The following NEXMIF variants were observed in gnomAD, a reference collection of about 807,000 sequenced individuals.
NEXMIF encodes XLMR protein related to neurite extension.
NEXMIF carries 8 observed loss-of-function variants against 62.1 expected under a neutral mutation model. That is an observed-to-expected ratio of 0.13 (90% CI 0.08 to 0.23). NEXMIF has a LOEUF of 0.23. Among genes scored for constraint, NEXMIF ranks in the 10% least tolerant of loss-of-function variants. The probability of loss-of-function intolerance (pLI) is 1.00; values close to 1 mark genes in which losing one functional copy is unlikely to be tolerated. For missense variants in NEXMIF, 976 were observed against 1,113.3 expected (o/e 0.88, Z 1.75); for synonymous variants, 404 against 416.6 (o/e 0.97, Z 0.37).
Position 74,743,534 on chromosome X carries a change from G to A in NEXMIF, c.1023C>T (p.Val341=), listed in dbSNP as rs2080115156. 8.3e-7 allele frequency: 1 copy of A among 1,209,441 alleles called. No individual in the cohort carries two copies. The highest frequency in any genetic ancestry group is 1.1e-6 in the Non-Finnish European group (1 of 895,149). ...ACTCTCGCTTGGGGCAGGTAGTAAA[G>A]ACGCTGGGAAAAAAGTTGAATTGGG... ...EDAQFNFFPS[V]FTTCPKRESK... is the part of the protein sequence containing the mutation. The change falls in exon 3 of 4, where the codon GTC becomes GTT. Residue 341 remains valine, a synonymous_variant. Coordinates refer to ENST00000055682, the MANE Select transcript of NEXMIF (RefSeq NM_001008537.3).
At chrX:74,912,964 G>C in intron 1 of NEXMIF, among the ~76,000 whole-genome samples, 1 of 111,940 alleles carries the variant, frequency 8.9e-6, no homozygotes, top group East Asian at 2.8e-4. Context: ...CCTGGAGCTA[G>C]AGCAGTGCCA....
chrX:74,882,051 CCTCT>C (rs2080666807), intron 1 of NEXMIF, among the ~76,000 whole-genome samples: 1 of 111,863 alleles, frequency 8.9e-6, no homozygotes, highest in Admixed American at 9.5e-5. Context: ...TTGCACACTT[CCTCT>C]CTCAGCAAAT....
intron 1 of NEXMIF, among the ~76,000 whole-genome samples, chrX:74,816,580 A>C (rs959324165): frequency 1.8e-5 from 2 of 112,240 alleles, no homozygotes; most frequent in Non-Finnish European, 3.8e-5. Flanking sequence ...CACTCTCTTT[A>C]CACTCAGAGA....
intron 1 of NEXMIF, among the ~76,000 whole-genome samples, chrX:74,868,602 A>G (rs1054703447): frequency 1.0e-5 from 1 of 97,824 alleles, no homozygotes; most frequent in African/African-American, 3.8e-5. Context: ...CAGGGAGGGG[A>G]ACAACATGCA....
chrX:74,885,581 C>G (rs1218349211), intron 1 of NEXMIF, among the ~76,000 whole-genome samples: 2 of 111,521 alleles, frequency 1.8e-5, no homozygotes, highest in Non-Finnish European at 3.8e-5. Context: ...CATACACCCT[C>G]CCAAGACTAA....
intron 1 of NEXMIF, among the ~76,000 whole-genome samples, chrX:74,818,800 A>G (rs2080384615): frequency 8.9e-6 from 1 of 112,379 alleles, no homozygotes; most frequent in Admixed American, 9.4e-5. Flanking sequence ...AAGAACATGA[A>G]GAGACACTTT....
Position 74,883,214 on chromosome X carries a change from A to C in NEXMIF, c.-48+41669T>G, listed in dbSNP as rs2080673809. Among the ~76,000 whole-genome samples the C allele has an allele frequency of 6.3e-5, 7 of 111,601 alleles. No individual in the cohort carries two copies. In the South Asian group the frequency reaches 2.7e-3, roughly 43 times the overall value. On this transcript the variant is annotated intron_variant, in intron 1 of 3. Coordinates refer to ENST00000055682, the MANE Select transcript of NEXMIF (RefSeq NM_001008537.3). ...ATAGGGAAAAAAACAGAGCAGAAAA[A>C]CCGGAAACTCTAAAAATCAGAGTGC...
intron 1 of NEXMIF, among the ~76,000 whole-genome samples, chrX:74,830,536 A>C (rs982382101): frequency 9.0e-6 from 1 of 111,544 alleles, no homozygotes; most frequent in Non-Finnish European, 1.9e-5. Context: ...GGCAATTCTG[A>C]GACTTTTGTG....
intron 1 of NEXMIF, among the ~76,000 whole-genome samples, chrX:74,832,254 C>G (rs769186852): frequency 9.0e-6 from 1 of 111,402 alleles, no homozygotes; most frequent in Non-Finnish European, 1.9e-5. Context: ...TACTAAGAGA[C>G]TTTTATTATG....
chrX:74,855,420 G>A (rs1036038056), intron 1 of NEXMIF, among the ~76,000 whole-genome samples: 3 of 112,082 alleles, frequency 2.7e-5, no homozygotes, highest in Non-Finnish European at 5.6e-5. Flanking sequence ...AACAATCAGT[G>A]GCAATTGTGT....
chrX:74,764,112 G>C (rs1394435992), intron 1 of NEXMIF, among the ~76,000 whole-genome samples: 1 of 111,530 alleles, frequency 9.0e-6, no homozygotes, highest in Non-Finnish European at 1.9e-5. Flanking sequence ...GTTTGTCATA[G>C]ATAGCTCTTA....
At chrX:74,798,943 GAGAA>G (rs2080320679) in intron 1 of NEXMIF, among the ~76,000 whole-genome samples, 1 of 103,115 alleles carries the variant, frequency 9.7e-6, no homozygotes, top group Non-Finnish European at 2.0e-5. Context: ...AGAAAAACCA[GAGAA>G]AGAAAAAGGA....
At chrX:74,796,090 A>T (rs2080305575) in intron 1 of NEXMIF, among the ~76,000 whole-genome samples, 1 of 80,103 alleles carries the variant, frequency 1.2e-5, no homozygotes, top group African/African-American at 4.8e-5. Flanking sequence ...ATCAATATAA[A>T]CTCATGTTTA....
rs778940144 is a variant in NEXMIF at position 74,885,128 on chromosome X, C to G, written c.-48+39755G>C. Among the ~76,000 whole-genome samples the G allele has an allele frequency of 6.2e-4, 68 of 110,503 alleles. 1 individual carries two copies. The highest frequency in any genetic ancestry group is 2.2e-3 in the African/African-American group (68 of 30,353). ...ACAAAGACACAACATACCAGAATCT[C>G]TGGGACACATTCAAAGCAGTGTGTA... On this transcript the variant is annotated intron_variant, in intron 1 of 3. Transcript: ENST00000055682.
At chrX:74,862,785 C>G (rs1156664049) in intron 1 of NEXMIF, among the ~76,000 whole-genome samples, 1 of 111,491 alleles carries the variant, frequency 9.0e-6, no homozygotes, top group Non-Finnish European at 1.9e-5. Flanking sequence ...TTCTTTGAAA[C>G]CAACGAGAAC....
chrX:74,734,242 A>T lies in NEXMIF; in HGVS notation c.*5163T>A, dbSNP rs2080079766. Reference sequence around the variant, plus strand: ...CTTAAGGGGCTTGGGGAAGAAGAAAAAAATGGGAATAATCATTTTCTTTAG... The same window carrying T: ...CTTAAGGGGCTTGGGGAAGAAGAAATAAATGGGAATAATCATTTTCTTTAG... On this transcript the variant is annotated 3_prime_UTR_variant, in exon 4 of 4. Transcript: ENST00000055682. The T allele has an allele frequency of 8.9e-6, 1 of 112,115 alleles. No individual in the cohort carries two copies. Among genetic ancestry groups the T allele is most frequent in the Non-Finnish European group, 1.9e-5 (1 of 53,165 alleles). The allele number at this position is 112,115 out of a possible 1,213,427, so 9.2% of individuals were successfully genotyped here.
intron 1 of NEXMIF, among the ~76,000 whole-genome samples, chrX:74,799,802 A>T (rs775908824): frequency 7.2e-5 from 8 of 111,777 alleles, no homozygotes; most frequent in Non-Finnish European, 1.5e-4. Flanking sequence ...ATCCAGGAAC[A>T]TTATACATTG....
intron 1 of NEXMIF, among the ~76,000 whole-genome samples, chrX:74,830,742 T>C (rs2080433381): frequency 8.9e-6 from 1 of 112,114 alleles, no homozygotes. Flanking sequence ...CAGCATTTTG[T>C]ACTTTTCATT....
At chrX:74,830,839 T>G (rs988647856) in intron 1 of NEXMIF, among the ~76,000 whole-genome samples, 2 of 112,172 alleles carry the variant, frequency 1.8e-5, no homozygotes, top group Admixed American at 1.9e-4. Flanking sequence ...ACTTTTTTAT[T>G]CCTTTTTCAG....
Sources: gnomAD v4.1 joint callset for allele counts (sites outside exome capture counted in the v4.1 genomes callset) on GRCh38, gnomAD v4.1.1 for gene constraint, MANE v1.5 for transcripts, NCBI Gene and HGNC (gene_info 2026-07-23, HGNC 2026-07-21) for gene names.